Variants in NCALD observed in about 807,000 individuals in gnomAD.
The protein encoded by NCALD is neurocalcin-delta.
Under a neutral mutation model 18.6 loss-of-function variants are expected in NCALD, and 10 were observed. The ratio of observed to expected loss-of-function variants is 0.54; its 90% CI spans 0.33 to 0.91. The LOEUF is 0.91. Among genes scored for constraint, NCALD ranks in the 40% least tolerant of loss-of-function variants. NCALD has a pLI of 0.03. For missense variants in NCALD, 184 were observed against 247.6 expected (o/e 0.74, Z 1.72); for synonymous variants, 88 against 87.4 (o/e 1.01, Z -0.04).
intron 2 of NCALD, among the ~76,000 whole-genome samples, chr8:101,960,366 T>G (rs559309904): frequency 1.3e-5 from 2 of 152,244 alleles, no homozygotes; most frequent in African/African-American, 4.8e-5. Flanking sequence ...TGGAGTAGAA[T>G]GCAGTGAAAC....
At chr8:101,690,781 A>G in intron 3 of NCALD, 2 of 985,438 alleles carry the variant, frequency 2.0e-6, no homozygotes, top group South Asian at 4.7e-5. Context: ...CCCTGCCCAC[A>G]TAGTAGTTAC....
At chr8:102,002,144 A>C (rs1014221911) in intron 2 of NCALD, among the ~76,000 whole-genome samples, 3 of 152,156 alleles carry the variant, frequency 2.0e-5, no homozygotes, top group African/African-American at 7.2e-5. Flanking sequence ...CTCACATGCA[A>C]AGACACACAT....
intron 1 of NCALD, among the ~76,000 whole-genome samples, chr8:102,072,103 G>T (rs1453602096): frequency 6.6e-6 from 1 of 152,086 alleles, no homozygotes; most frequent in East Asian, 1.9e-4. Flanking sequence ...TTAAGACAAT[G>T]GGCAAAAAAC....
intron 1 of NCALD, among the ~76,000 whole-genome samples, chr8:101,746,671 C>A (rs191375995): frequency 6.6e-6 from 1 of 151,688 alleles, no homozygotes; most frequent in Non-Finnish European, 1.5e-5. Context: ...AAAACCAGTA[C>A]CCCAAATGAT....
intron 2 of NCALD, chr8:101,950,431 T>C (rs771303657): frequency 3.9e-5 from 6 of 152,252 alleles, no homozygotes; most frequent in African/African-American, 7.2e-5. Context: ...AGAAGATTCA[T>C]TGGATGTCTT....
chr8:101,951,365 A>C (rs1819413391), intron 2 of NCALD, among the ~76,000 whole-genome samples: 1 of 152,202 alleles, frequency 6.6e-6, no homozygotes, highest in African/African-American at 2.4e-5. Context: ...TGATGGAGGC[A>C]ACTGGAGCAC....
intron 2 of NCALD, among the ~76,000 whole-genome samples, chr8:101,953,543 G>A (rs927420094): frequency 2.0e-5 from 3 of 152,224 alleles, no homozygotes; most frequent in Non-Finnish European, 4.4e-5. Flanking sequence ...CCCTGCAAGG[G>A]CCAGGGTTTA....
intron 1 of NCALD, among the ~76,000 whole-genome samples, chr8:102,024,725 C>T (rs989305316): frequency 7.9e-5 from 12 of 152,184 alleles, no homozygotes; most frequent in Non-Finnish European, 1.8e-4. Flanking sequence ...ACCTATTGGA[C>T]AACTGCAAGA....
chr8:101,792,378 T>A (rs534560302), upstream of NCALD, among the ~76,000 whole-genome samples: 3 of 152,228 alleles, frequency 2.0e-5, no homozygotes, highest in Non-Finnish European at 4.4e-5. Context: ...CCTTTTCATC[T>A]TCCTTTATTT....
intron 4 of NCALD, among the ~76,000 whole-genome samples, chr8:101,816,536 T>C (rs1338686469): frequency 3.3e-5 from 5 of 152,166 alleles, no homozygotes; most frequent in Non-Finnish European, 5.9e-5. Flanking sequence ...GTAGAAGCAT[T>C]TATGTTTTGT....
At chr8:102,053,059 G>A (rs969965566) in intron 1 of NCALD, among the ~76,000 whole-genome samples, 4 of 152,152 alleles carry the variant, frequency 2.6e-5, no homozygotes, top group African/African-American at 9.7e-5. Flanking sequence ...ATATAAACAG[G>A]AGCCAGATCC....
chr8:101,905,341 C>T (rs1451936708), intron 3 of NCALD, among the ~76,000 whole-genome samples: 5 of 151,696 alleles, frequency 3.3e-5, no homozygotes, highest in Non-Finnish European at 7.4e-5. Context: ...TTTTTTGACC[C>T]CCTACTTGCT....
At chr8:101,934,952 T>G (rs1460285863) in intron 2 of NCALD, among the ~76,000 whole-genome samples, 2 of 151,836 alleles carry the variant, frequency 1.3e-5, no homozygotes, top group Non-Finnish European at 1.5e-5. Context: ...CAAAGAACAG[T>G]GGGGTAAGCT....
rs111714548 is a variant in NCALD at position 101,999,043 on chromosome 8, G to C, written c.-157+21194C>G. 8.3e-3 allele frequency among the ~76,000 whole-genome samples: 953 copies of C among 114,850 alleles called. 12 individuals are homozygous for C. The highest frequency in any genetic ancestry group is 0.027 in the African/African-American group (871 of 31,690). 75.3% of individuals were successfully genotyped at this position (114,850 alleles called of 152,430 possible). A position where few individuals can be genotyped will look rare whatever the true frequency, so the allele number is the denominator to read the frequency against. ...TCTACTCCTGGTTTGAAATGAGGGG[G>C]AAAAAATCATACCCACTCACACTCA... On this transcript the variant is annotated intron_variant, in intron 2 of 6. Transcript: ENST00000311028.
At chr8:101,901,373 A>C (rs1023985273) in intron 3 of NCALD, among the ~76,000 whole-genome samples, 3 of 150,986 alleles carry the variant, frequency 2.0e-5, no homozygotes, top group African/African-American at 7.3e-5. Context: ...AATTGTTGAT[A>C]TACTTGGGCT....
At chr8:101,807,398 G>A (rs1164492696) in intron 4 of NCALD, among the ~76,000 whole-genome samples, 1 of 152,104 alleles carries the variant, frequency 6.6e-6, no homozygotes, top group East Asian at 1.9e-4. Context: ...AGGGGGAAGA[G>A]CAAAGCTGTA....
chr8:101,810,343 A>C (rs1218630534), intron 4 of NCALD, among the ~76,000 whole-genome samples: 1 of 152,170 alleles, frequency 6.6e-6, no homozygotes, highest in Non-Finnish European at 1.5e-5. Flanking sequence ...GTAATGTTCA[A>C]ATTTAGCAGT....
intron 2 of NCALD, among the ~76,000 whole-genome samples, chr8:102,014,603 T>C (rs1346523206): frequency 6.6e-6 from 1 of 152,116 alleles, no homozygotes; most frequent in Non-Finnish European, 1.5e-5. Context: ...TGAAAAGTAA[T>C]AAGTTTTAAA....
chr8:101,935,157 G>T (rs9297315), intron 2 of NCALD, among the ~76,000 whole-genome samples: 1 of 151,526 alleles, frequency 6.6e-6, no homozygotes, highest in African/African-American at 2.4e-5. Context: ...ATTAATAAGA[G>T]AAAATGTGAA....
Sources: allele counts gnomAD v4.1 joint callset (sites outside exome capture counted in the v4.1 genomes callset), GRCh38; gene constraint gnomAD v4.1.1; transcripts MANE v1.5; gene names NCBI Gene and HGNC (gene_info 2026-07-23, HGNC 2026-07-21).